The following FAM53B variants were observed in gnomAD, a reference collection of about 807,000 sequenced individuals.
The protein encoded by FAM53B is protein FAM53B.
In FAM53B, 12 loss-of-function variants were observed where a neutral mutation model predicts 32.7. The ratio of observed to expected loss-of-function variants is 0.37; its 90% CI spans 0.24 to 0.59. The LOEUF (loss-of-function observed/expected upper bound fraction) is 0.59, where lower values mean the gene tolerates loss of function less well. Among genes scored for constraint, FAM53B ranks in the 20% least tolerant of loss-of-function variants. The probability of loss-of-function intolerance (pLI) is 0.72; values close to 1 mark genes in which losing one functional copy is unlikely to be tolerated. For synonymous variants in FAM53B, 234 were observed against 228.7 expected (o/e 1.02, Z -0.21); for missense variants, 477 against 577.7 (o/e 0.83, Z 1.79).
intron 4 of FAM53B, among the ~76,000 whole-genome samples, chr10:124,657,092 A>G (rs1203924271): frequency 1.8e-5 from 1 of 56,474 alleles, no homozygotes; most frequent in African/African-American, 3.5e-5. Flanking sequence ...GTGTGTGTAT[A>G]TATATGTGTA....
At chr10:124,659,744 C>T (rs904717470) in intron 4 of FAM53B, among the ~76,000 whole-genome samples, 2 of 152,350 alleles carry the variant, frequency 1.3e-5, no homozygotes, top group Non-Finnish European at 1.5e-5. Context: ...GGCTGTCCAC[C>T]TAAGGGGCCA....
intron 4 of FAM53B, among the ~76,000 whole-genome samples, chr10:124,632,982 T>C (rs1487274071): frequency 6.6e-6 from 1 of 152,094 alleles, no homozygotes; most frequent in Non-Finnish European, 1.5e-5. Context: ...ACAAGGCTAA[T>C]AAGAGCCTCA....
At chr10:124,663,051 C>A (rs1412741826) in intron 4 of FAM53B, among the ~76,000 whole-genome samples, 2 of 152,188 alleles carry the variant, frequency 1.3e-5, no homozygotes, top group Non-Finnish European at 2.9e-5. Context: ...CACTGAGGGG[C>A]AAGTCTCAAA....
At position 124,623,260 on chromosome 10, in the gene FAM53B, C is replaced by T. The variant is rs150655034; in HGVS notation, c.1251G>A (p.Glu417=). The change falls in exon 5 of 5, where the codon GAG becomes GAA. Residue 417 remains glutamate, a synonymous_variant. Coordinates refer to ENST00000337318, the MANE Select transcript of FAM53B (RefSeq NM_014661.4). ...LCSLDGELDI[E]QIEKN is the part of the protein sequence containing the mutation. ...CACCCCCTCAGTTCTTCTCTATCTGCTCAATGTCCAACTCGCCGTCCAGGG... is the reference window on the plus strand; with the variant it reads ...CACCCCCTCAGTTCTTCTCTATCTGTTCAATGTCCAACTCGCCGTCCAGGG... 1.2e-6 allele frequency: 2 copies of T among 1,606,182 alleles called. No homozygotes were observed. The highest frequency in any genetic ancestry group is 4.5e-5 in the East Asian group (2 of 44,846).
chr10:124,641,794 G>A (rs943018045), intron 4 of FAM53B, among the ~76,000 whole-genome samples: 2 of 152,146 alleles, frequency 1.3e-5, no homozygotes, highest in Non-Finnish European at 2.9e-5. Flanking sequence ...TTATTAAGAC[G>A]GCAAGCACTG....
intron 1 of FAM53B, among the ~76,000 whole-genome samples, chr10:124,713,093 C>G (rs945183374): frequency 6.6e-6 from 1 of 152,342 alleles, no homozygotes; most frequent in East Asian, 1.9e-4. Context: ...GTGCCCCACA[C>G]AGCCACACTT....
chr10:124,718,816 C>T (rs537540135), intron 1 of FAM53B, among the ~76,000 whole-genome samples: 2 of 152,316 alleles, frequency 1.3e-5, no homozygotes, highest in African/African-American at 2.4e-5. Flanking sequence ...GGCAGGCTGA[C>T]GCAGGTGAAA....
intron 4 of FAM53B, among the ~76,000 whole-genome samples, chr10:124,633,214 G>A (rs1190690175): frequency 7.2e-6 from 1 of 139,118 alleles, no homozygotes; most frequent in Non-Finnish European, 1.5e-5. Context: ...AAATACCCAG[G>A]AATGAACTTA....
intron 4 of FAM53B, among the ~76,000 whole-genome samples, chr10:124,675,906 G>A (rs1564874655): frequency 6.6e-6 from 1 of 152,374 alleles, no homozygotes; most frequent in East Asian, 1.9e-4. Context: ...GATGGTGGAT[G>A]ACGTTCAATT....
At chr10:124,683,045 C>T (rs1403225943) in intron 3 of FAM53B, among the ~76,000 whole-genome samples, 1 of 152,244 alleles carries the variant, frequency 6.6e-6, no homozygotes, top group Non-Finnish European at 1.5e-5. Context: ...TCTCTGTGTT[C>T]ACTCGATTTT....
intron 3 of FAM53B, among the ~76,000 whole-genome samples, chr10:124,691,693 T>C (rs145440782): frequency 6.8e-4 from 104 of 152,324 alleles, no homozygotes; most frequent in African/African-American, 2.4e-3. Context: ...ATGGCTGCAA[T>C]TAGCCAAGGG....
chr10:124,725,491 G>A (rs1199013436), intron 1 of FAM53B, among the ~76,000 whole-genome samples: 1 of 152,242 alleles, frequency 6.6e-6, no homozygotes, highest in Non-Finnish European at 1.5e-5. Context: ...ACGGCAGTGA[G>A]TGGGAAGCTT....
chr10:124,735,934 C>T (rs994528712), intron 1 of FAM53B, among the ~76,000 whole-genome samples: 3 of 152,204 alleles, frequency 2.0e-5, no homozygotes, highest in African/African-American at 4.8e-5. Context: ...CTACTTTTGC[C>T]CTCGATGATA....
chr10:124,620,058 G>T lies in FAM53B; in HGVS notation c.*3184C>A, dbSNP rs931717529. Reference sequence around the variant, plus strand: ...TTTGTTTTGTTTTCTTTTTAATGTGGACTTCCCCTTTATTTAAATTTTCTT... The same window carrying T: ...TTTGTTTTGTTTTCTTTTTAATGTGTACTTCCCCTTTATTTAAATTTTCTT... On this transcript the variant is annotated 3_prime_UTR_variant, in exon 5 of 5. Transcript: ENST00000337318. 2 of 152,454 alleles carry T rather than the reference G, an allele frequency of 1.3e-5. No individual in the cohort carries two copies. The highest frequency in any genetic ancestry group is 1.3e-4 in the Admixed American group (2 of 15,288). 9.4% of individuals were successfully genotyped at this position (152,454 alleles called of 1,614,324 possible).
At chr10:124,730,815 G>A (rs10901812) in intron 1 of FAM53B, among the ~76,000 whole-genome samples, 32,246 of 152,158 alleles carry the variant, frequency 0.21, 3,811 homozygotes, top group Non-Finnish European at 0.26. Flanking sequence ...CCCAGGTCCG[G>A]AGTGCAGAGT....
At chr10:124,650,577 T>G (rs1949549949) in intron 4 of FAM53B, among the ~76,000 whole-genome samples, 1 of 152,150 alleles carries the variant, frequency 6.6e-6, no homozygotes, top group African/African-American at 2.4e-5. Flanking sequence ...CATCTCCACT[T>G]TACAAATGAG....
At chr10:124,623,960 T>C in intron 4 of FAM53B, 1 of 224,756 alleles carries the variant, frequency 4.4e-6, no homozygotes, top group Non-Finnish European at 8.8e-6. Context: ...ATATATCCAA[T>C]TCCTTGATCA....
At chr10:124,633,095 C>T (rs1489529088) in intron 4 of FAM53B, among the ~76,000 whole-genome samples, 1 of 152,126 alleles carries the variant, frequency 6.6e-6, no homozygotes, top group Non-Finnish European at 1.5e-5. Flanking sequence ...TCTGTGGACA[C>T]AGCAAGGCCA....
chr10:124,630,916 A>G (rs1203027138), intron 4 of FAM53B, among the ~76,000 whole-genome samples: 2 of 152,220 alleles, frequency 1.3e-5, no homozygotes, highest in African/African-American at 4.8e-5. Context: ...GCACTGTCTC[A>G]GACTGGTCAG....
Sources: gnomAD v4.1 joint callset for allele counts (sites outside exome capture counted in the v4.1 genomes callset) on GRCh38, gnomAD v4.1.1 for gene constraint, MANE v1.5 for transcripts, NCBI Gene and HGNC (gene_info 2026-07-23, HGNC 2026-07-21) for gene names.